COL23A1: variants seen among roughly 807,000 people sequenced by gnomAD.
The protein encoded by COL23A1 is collagen type XXIII alpha 1 chain, also known as collagen alpha-1(XXIII) chain.
COL23A1 carries 97 observed loss-of-function variants against 99.3 expected under a neutral mutation model. That is an observed-to-expected ratio of 0.98 (90% CI 0.83 to 1.16). The LOEUF (loss-of-function observed/expected upper bound fraction) is 1.16, where lower values mean the gene tolerates loss of function less well. COL23A1 is among the 50% of genes most tolerant of loss of function. COL23A1 has a pLI of 0.00. For synonymous variants in COL23A1, 320 were observed against 308.2 expected (o/e 1.04, Z -0.40); for missense variants, 762 against 757.4 (o/e 1.01, Z -0.07).
At chr5:178,401,209 C>T (rs1764429080) in intron 2 of COL23A1, among the ~76,000 whole-genome samples, 2 of 152,212 alleles carry the variant, frequency 1.3e-5, no homozygotes, top group African/African-American at 4.8e-5. Flanking sequence ...TGAGCAAATA[C>T]TCCATCGTAT....
At chr5:178,472,127 C>T (rs1325096632) in intron 2 of COL23A1, among the ~76,000 whole-genome samples, 2 of 152,114 alleles carry the variant, frequency 1.3e-5, no homozygotes, top group Non-Finnish European at 1.5e-5. Context: ...AGGGCAACAG[C>T]GTGAGACCCT....
At chr5:178,392,484 C>G (rs775614581) in intron 2 of COL23A1, among the ~76,000 whole-genome samples, 1 of 152,174 alleles carries the variant, frequency 6.6e-6, no homozygotes. Flanking sequence ...CAGAAGGCCA[C>G]GCCACCTCCA....
intron 2 of COL23A1, chr5:178,378,294 C>A (rs190806571): frequency 6.6e-6 from 1 of 152,220 alleles, no homozygotes; most frequent in African/African-American, 2.4e-5. Flanking sequence ...GGAAAATGCA[C>A]ATGTGCACAG....
chr5:178,268,593 A>C, intron 7 of COL23A1, 137 bp downstream of exon 7: 2 of 718,088 alleles, frequency 2.8e-6, no homozygotes, highest in South Asian at 5.8e-5. Flanking sequence ...TGTGATTCCC[A>C]CTCTACAGAT....
rs563561775 is a variant in COL23A1, at chr5:178,400,893, C to A, written c.362-93974G>T. Reference sequence around the variant, plus strand: ...CATCAGGTGATCCACTGGCCTCGGCCTCCCAAAGTGCTGGGATTACAGGCA... The same window carrying A: ...CATCAGGTGATCCACTGGCCTCGGCATCCCAAAGTGCTGGGATTACAGGCA... On this transcript the variant is annotated intron_variant, in intron 2 of 28. Coordinates refer to ENST00000390654, the MANE Select transcript of COL23A1 (RefSeq NM_173465.4). Among the ~76,000 whole-genome samples the A allele has an allele frequency of 3.3e-5, 5 of 152,348 alleles. No individual in the cohort carries two copies. The South Asian group carries it at 1.0e-3, about 32-fold the overall frequency.
intron 25 of COL23A1, among the ~76,000 whole-genome samples, chr5:178,244,535 G>A (rs1764571450): frequency 6.6e-6 from 1 of 152,170 alleles, no homozygotes; most frequent in Admixed American, 6.5e-5. Context: ...GAACACTGGA[G>A]TTCTACTCTG....
intron 2 of COL23A1, among the ~76,000 whole-genome samples, chr5:178,462,072 G>A (rs961530477): frequency 1.8e-4 from 28 of 152,266 alleles, no homozygotes; most frequent in Non-Finnish European, 1.0e-4. Context: ...CTGGCTCATA[G>A]TAGGAGCTTA....
intron 2 of COL23A1, among the ~76,000 whole-genome samples, chr5:178,557,812 G>T (rs1032727060): frequency 6.6e-6 from 1 of 152,158 alleles, no homozygotes; most frequent in African/African-American, 2.4e-5. Context: ...TCTGTTCTTT[G>T]TAAGACAAGG....
rs1561940593 is a variant in COL23A1 at position 178,403,125 on chromosome 5, AATAAATAAAAAAT to A, written c.362-96219_362-96207del. Among the ~76,000 whole-genome samples the A allele has an allele frequency of 1.7e-4, 18 of 107,520 alleles. 3 individuals carry two copies. The East Asian group carries it at 4.1e-3, about 24-fold the overall frequency. The allele number at this position is 107,520 out of a possible 152,430, so 70.5% of individuals were successfully genotyped here. On this transcript the variant is annotated intron_variant, in intron 2 of 28. Transcript: ENST00000390654. Reference sequence around the variant, plus strand: ...CTCCATCTCAAAAAAAAAAAAAATAAATAAATAAAAAATAAATACCATTTACCGAAATCTTCTA... The same window carrying A: ...CTCCATCTCAAAAAAAAAAAAAATAAAAATACCATTTACCGAAATCTTCTA...
intron 2 of COL23A1, among the ~76,000 whole-genome samples, chr5:178,432,899 C>T (rs1581381813): frequency 1.3e-5 from 2 of 151,518 alleles, no homozygotes; most frequent in African/African-American, 4.9e-5. Flanking sequence ...CACTAGGACT[C>T]CCCAGAGCTC....
intron 2 of COL23A1, chr5:178,345,455 C>CTT (rs59360920): frequency 6.0e-4 from 108 of 181,320 alleles, no homozygotes; most frequent in South Asian, 1.5e-3. Flanking sequence ...TGTATCATCT[C>CTT]TTTTTTTTTT....
chr5:178,482,022 TAA>T (rs35849475), intron 2 of COL23A1, among the ~76,000 whole-genome samples: 12 of 144,318 alleles, frequency 8.3e-5, no homozygotes, highest in African/African-American at 2.6e-4. Flanking sequence ...AAAGTATAAT[TAA>T]AAAAAAAAAA....
rs1301121142 is a variant in COL23A1 at position 178,313,803 on chromosome 5, G to C, written c.362-6884C>G. The stretch of plus-strand genomic sequence containing the variant: ...AGACCTTCAGTCTGGAGCTCTATGA[G>C]ATTGCTGGGGCTTCAGGGCCATCAG... On this transcript the variant is annotated intron_variant, in intron 2 of 28. Transcript: ENST00000390654. This position sits in a 1 kb window ranked among gnomAD's most constrained non-coding sequence, Gnocchi z 4.2. Among the ~76,000 whole-genome samples the C allele has an allele frequency of 6.6e-6, 1 of 152,174 alleles. No individual in the cohort carries two copies. Among genetic ancestry groups the C allele is most frequent in the Non-Finnish European group, 1.5e-5 (1 of 68,028 alleles).
intron 5 of COL23A1, among the ~76,000 whole-genome samples, chr5:178,283,570 G>A (rs1757009932): frequency 6.6e-6 from 1 of 152,174 alleles, no homozygotes; most frequent in African/African-American, 2.4e-5. Flanking sequence ...TACATTAAAT[G>A]ATATCGAAGA....
intron 2 of COL23A1, among the ~76,000 whole-genome samples, chr5:178,553,169 T>A (rs1466361018): frequency 1.0e-4 from 14 of 135,066 alleles, no homozygotes; most frequent in African/African-American, 2.2e-4. Flanking sequence ...GATCCTATCT[T>A]AAAAAAAAAA....
intron 2 of COL23A1, among the ~76,000 whole-genome samples, chr5:178,373,149 C>T (rs536640421): frequency 2.6e-5 from 4 of 152,286 alleles, no homozygotes; most frequent in African/African-American, 9.6e-5. Flanking sequence ...CTTAACAAGA[C>T]CCCAAAACAC....
intron 2 of COL23A1, among the ~76,000 whole-genome samples, chr5:178,408,660 T>C (rs761536921): frequency 6.6e-6 from 1 of 151,826 alleles, no homozygotes; most frequent in Admixed American, 6.6e-5. Flanking sequence ...AAAAACTAAA[T>C]ATACACTTAT....
chr5:178,551,875 G>T (rs746376795), intron 2 of COL23A1, among the ~76,000 whole-genome samples: 12 of 151,932 alleles, frequency 7.9e-5, no homozygotes, highest in Non-Finnish European at 1.5e-4. Context: ...GTGTCCCATG[G>T]AATAAAGCCT....
rs76286964 is a variant in COL23A1 at position 178,309,636 on chromosome 5, C to T, written c.362-2717G>A. Among the ~76,000 whole-genome samples the T allele has an allele frequency of 0.026, 4,002 of 151,968 alleles. 90 individuals are homozygous for T. Among genetic ancestry groups the T allele is most frequent in the East Asian group, 0.11 (556 of 5,130 alleles). ...CTCAAGCTCACCTCCCGACTTCCCA[C>T]GCGCCCCCTGCCTCCCTTGTTACTT... On this transcript the variant is annotated intron_variant, in intron 2 of 28. Coordinates refer to ENST00000390654, the MANE Select transcript of COL23A1 (RefSeq NM_173465.4). The surrounding 1 kb of genome is among the most constrained non-coding windows in gnomAD (Gnocchi z 4.7).
Sources: gnomAD v4.1 joint callset for allele counts (sites outside exome capture counted in the v4.1 genomes callset) on GRCh38, gnomAD v4.1.1 for gene constraint, Gnocchi (gnomAD v3.1) non-coding constraint, MANE v1.5 for transcripts, NCBI Gene and HGNC (gene_info 2026-07-23, HGNC 2026-07-21) for gene names.